The following ANKRD11 variants were observed in gnomAD, a reference collection of about 807,000 sequenced individuals.
ANKRD11 encodes the protein ankyrin repeat domain-containing protein 11.
A neutral mutation model predicts 195.7 loss-of-function variants in ANKRD11; 17 were observed. The observed-to-expected ratio is 0.09, with a 90% confidence interval of 0.06 to 0.13. The LOEUF (loss-of-function observed/expected upper bound fraction) is 0.13. Among genes scored for constraint, ANKRD11 ranks in the 10% least tolerant of loss-of-function variants. ANKRD11 has a pLI of 1.00. For missense variants in ANKRD11, 3,735 were observed against 3,566.1 expected, an observed-to-expected ratio of 1.05 and a Z score of -1.21; for synonymous variants, 1,953 against 1,528.1, an observed-to-expected ratio of 1.28 and a Z score of -6.49.
intron 12 of ANKRD11, 60 bp from the exon 13 acceptor site, chr16:89,268,723 GC>G (rs1334610626): frequency 1.3e-6 from 2 of 1,533,602 alleles, no homozygotes; most frequent in Non-Finnish European, 1.8e-6. Flanking sequence ...CCCAGACTCT[GC>G]CGACCTCAGC....
intron 2 of ANKRD11, among the ~76,000 whole-genome samples, chr16:89,320,962 G>A (rs377344706): frequency 1.2e-4 from 18 of 152,352 alleles, no homozygotes; most frequent in East Asian, 3.9e-4. Flanking sequence ...TGCTCCTCCC[G>A]GAAGGTGGCT....
chr16:89,395,107 G>A (rs2041367574), intron 2 of ANKRD11, among the ~76,000 whole-genome samples: 1 of 152,238 alleles, frequency 6.6e-6, no homozygotes, highest in African/African-American at 2.4e-5. Context: ...CTGAAGCACA[G>A]GACAAGATGA....
intron 1 of ANKRD11, among the ~76,000 whole-genome samples, chr16:89,467,890 T>G (rs1288592018): frequency 1.3e-5 from 2 of 151,738 alleles, no homozygotes; most frequent in Non-Finnish European, 2.9e-5. Flanking sequence ...AACCTCTGCC[T>G]CCCGGGTTCA....
chr16:89,395,981 G>A (rs890720893), intron 2 of ANKRD11: 5 of 152,176 alleles, frequency 3.3e-5, no homozygotes. Flanking sequence ...CTCTGGACAG[G>A]AAGCACCAAT....
chr16:89,440,943 T>A (rs1246368671), intron 1 of ANKRD11, among the ~76,000 whole-genome samples: 1 of 152,088 alleles, frequency 6.6e-6, no homozygotes, highest in African/African-American at 2.4e-5. Flanking sequence ...TTATAAAAAA[T>A]AAGTTTCCTT....
intron 2 of ANKRD11, among the ~76,000 whole-genome samples, chr16:89,330,644 C>A (rs1330807048): frequency 1.0e-5 from 1 of 99,364 alleles, no homozygotes; most frequent in African/African-American, 4.4e-5. Context: ...GTAGGTTTCC[C>A]CAGTACAGTG....
At chr16:89,367,212 A>G (rs1218665097) in intron 2 of ANKRD11, among the ~76,000 whole-genome samples, 2 of 152,202 alleles carry the variant, frequency 1.3e-5, no homozygotes, top group African/African-American at 4.8e-5. Flanking sequence ...CCATCGAAAC[A>G]CAACAGTCCA....
intron 3 of ANKRD11, chr16:89,313,635 A>G: frequency 1.6e-6 from 2 of 1,281,986 alleles, no homozygotes; most frequent in Non-Finnish European, 2.0e-6. Flanking sequence ...ATCTGGAGAA[A>G]AGGGAGTTTA....
intron 2 of ANKRD11, among the ~76,000 whole-genome samples, chr16:89,394,729 G>C (rs1030015677): frequency 4.6e-5 from 7 of 152,026 alleles, no homozygotes; most frequent in African/African-American, 1.7e-4. Flanking sequence ...TACAGGAGTC[G>C]TGTTTTATGA....
At chr16:89,419,346 G>A (rs1015968072) in intron 1 of ANKRD11, among the ~76,000 whole-genome samples, 4 of 151,888 alleles carry the variant, frequency 2.6e-5, no homozygotes, top group Non-Finnish European at 5.9e-5. Context: ...CCAACTACTT[G>A]GGAGGCTGGG....
intron 2 of ANKRD11, among the ~76,000 whole-genome samples, chr16:89,333,736 A>G (rs926685820): frequency 6.6e-5 from 10 of 152,222 alleles, no homozygotes; most frequent in African/African-American, 2.4e-4. Context: ...CACCCTCTGC[A>G]GGACATCTTG....
At chr16:89,393,911 C>T (rs1403057398) in intron 2 of ANKRD11, among the ~76,000 whole-genome samples, 6 of 152,162 alleles carry the variant, frequency 3.9e-5, no homozygotes, top group East Asian at 3.9e-4. Flanking sequence ...CAAAAAGTCA[C>T]GAAGAAAGTG....
intron 1 of ANKRD11, among the ~76,000 whole-genome samples, chr16:89,452,638 G>T (rs112453737): frequency 5.9e-5 from 9 of 152,104 alleles, no homozygotes; most frequent in Admixed American, 2.6e-4. Context: ...TTAGCCGAGT[G>T]TGGTGGCGGG....
chr16:89,330,458 A>G (rs1270576282), intron 2 of ANKRD11, among the ~76,000 whole-genome samples: 1 of 152,028 alleles, frequency 6.6e-6, no homozygotes, highest in Non-Finnish European at 1.5e-5. Flanking sequence ...TCCTTGGTGC[A>G]CAGACACGGC....
chr16:89,291,232 G>A lies in ANKRD11; in HGVS notation c.227-49C>T, dbSNP rs889359995. On this transcript the variant is annotated intron_variant, in intron 4 of 12. Coordinates refer to ENST00000301030, the MANE Select transcript of ANKRD11 (RefSeq NM_013275.6). This position sits in a 1 kb window ranked among gnomAD's most constrained non-coding sequence, Gnocchi z 5.3. ...GGGAGGAGAGATTTCATGCCATGGT[G>A]TCCTCCAAAGCTAGGTCCTTACCTA... is the stretch of plus-strand genomic sequence containing the variant. The A allele has an allele frequency of 6.2e-7, 1 of 1,605,214 alleles. No individual in the cohort carries two copies. Among genetic ancestry groups the A allele is most frequent in the Non-Finnish European group, 8.5e-7 (1 of 1,178,144 alleles).
At chr16:89,384,028 T>C (rs540941401) in intron 2 of ANKRD11, among the ~76,000 whole-genome samples, 128 of 152,250 alleles carry the variant, frequency 8.4e-4, no homozygotes, top group African/African-American at 2.8e-3. Context: ...AAGACCAGCC[T>C]GGCCAACATG....
At chr16:89,385,384 C>G (rs1247877841) in intron 2 of ANKRD11, among the ~76,000 whole-genome samples, 1 of 152,166 alleles carries the variant, frequency 6.6e-6, no homozygotes, top group African/African-American at 2.4e-5. Flanking sequence ...CCGCTTCAGC[C>G]TCCCAAAGTG....
At chr16:89,435,808 A>T (rs945180480) in intron 1 of ANKRD11, among the ~76,000 whole-genome samples, 19 of 150,802 alleles carry the variant, frequency 1.3e-4, no homozygotes, top group African/African-American at 4.2e-4. Flanking sequence ...ACACACACAC[A>T]CACACACACA....
intron 2 of ANKRD11, among the ~76,000 whole-genome samples, chr16:89,364,128 G>A (rs1288299641): frequency 6.6e-6 from 1 of 152,164 alleles, no homozygotes; most frequent in Non-Finnish European, 1.5e-5. Context: ...AAGACATGGA[G>A]CCTTTCTTTC....
Sources: gnomAD v4.1 joint callset for allele counts (sites outside exome capture counted in the v4.1 genomes callset) on GRCh38, gnomAD v4.1.1 for gene constraint, Gnocchi (gnomAD v3.1) non-coding constraint, MANE v1.5 for transcripts, NCBI Gene and HGNC (gene_info 2026-07-23, HGNC 2026-07-21) for gene names.